Variants in TMEM30A observed in about 807,000 individuals in gnomAD.
The protein encoded by TMEM30A is cell cycle control protein 50A.
A neutral mutation model predicts 38.2 loss-of-function variants in TMEM30A; 24 were observed. That is an observed-to-expected ratio of 0.63 (90% confidence interval 0.46 to 0.88). The LOEUF is 0.88. Ranked by LOEUF, TMEM30A falls within the 40% of genes least tolerant of loss-of-function variation. The pLI is 0.00. For missense variants in TMEM30A, 370 were observed against 458.6 expected, an observed-to-expected ratio of 0.81 and a Z score of 1.77; for synonymous variants, 145 against 161.6, an observed-to-expected ratio of 0.90 and a Z score of 0.78.
chr6:75,261,940 G>A (rs1431801691), intron 3 of TMEM30A, among the ~76,000 whole-genome samples: 2 of 152,146 alleles, frequency 1.3e-5, no homozygotes, highest in Non-Finnish European at 1.5e-5. Context: ...ATATCTGCTA[G>A]CCACTAAATT....
rs775819412 is a variant in TMEM30A at position 75,284,571 on chromosome 6, G to C, written c.68C>G (p.Ala23Gly). The C allele has an allele frequency of 6.2e-7, 1 of 1,613,332 alleles. No individual in the cohort carries two copies. Among genetic ancestry groups the C allele is most frequent in the East Asian group, 2.2e-5 (1 of 44,848 alleles). ...GGPPCAPGGT[A>G]KTRRPDNTAF... is the part of the protein sequence containing the mutation. ...CGTGTTATCCGGTCTCCGAGTCTTCGCGGTGCCCCCCGGAGCACACGGGGG... is the reference window on the plus strand; with the variant it reads ...CGTGTTATCCGGTCTCCGAGTCTTCCCGGTGCCCCCCGGAGCACACGGGGG... Residue 23 changes from alanine to glycine, a missense_variant, in exon 1 of 7, where the codon GCG (alanine) becomes GGG (glycine). By Grantham distance (60) the Ala-to-Gly change is moderately conservative. Transcript: ENST00000230461.
At chr6:75,262,561 G>A (rs755020948) in intron 3 of TMEM30A, among the ~76,000 whole-genome samples, 1 of 151,622 alleles carries the variant, frequency 6.6e-6, no homozygotes, top group Non-Finnish European at 1.5e-5. Flanking sequence ...AGAATTGCTT[G>A]AACCGGGGAG....
chr6:75,264,666 A>T (rs891707329), intron 3 of TMEM30A, among the ~76,000 whole-genome samples: 5 of 152,022 alleles, frequency 3.3e-5, no homozygotes, highest in Admixed American at 2.0e-4. Context: ...AAAATAAAAA[A>T]AAATACATAG....
At chr6:75,275,747 T>C (rs1341290362) in intron 1 of TMEM30A, among the ~76,000 whole-genome samples, 1 of 152,174 alleles carries the variant, frequency 6.6e-6, no homozygotes, top group African/African-American at 2.4e-5. Context: ...TCTTAACTGG[T>C]TTCCCTGTGT....
chr6:75,279,961 A>G (rs1161887564), intron 1 of TMEM30A, among the ~76,000 whole-genome samples: 1 of 152,180 alleles, frequency 6.6e-6, no homozygotes, highest in South Asian at 2.1e-4. Flanking sequence ...TAAAAATCAT[A>G]TTTTAAGTAC....
At chr6:75,264,936 C>T (rs777042086) in intron 3 of TMEM30A, among the ~76,000 whole-genome samples, 51 of 151,992 alleles carry the variant, frequency 3.4e-4, no homozygotes, top group Non-Finnish European at 5.9e-4. Flanking sequence ...CCCATCTCTA[C>T]TAAAAATACA....
At position 75,273,410 on chromosome 6, in the gene TMEM30A, AGCCTAGCACCT is replaced by A. The variant is rs572852489; in HGVS notation, c.238-5673_238-5663del. ...TCTATGGTCCCAGCAATGAGGATTC[AGCCTAGCACCT>A]GACCTCCTGGAGTTCAGTATCTAAC... On this transcript the variant is annotated intron_variant, in intron 1 of 6. Transcript: ENST00000230461. 5.6e-4 allele frequency among the ~76,000 whole-genome samples: 85 copies of A among 152,250 alleles called. 1 individual carries two copies. The highest frequency in any genetic ancestry group is 1.8e-3 in the African/African-American group (76 of 41,546).
intron 3 of TMEM30A, among the ~76,000 whole-genome samples, chr6:75,262,091 A>G (rs1025378394): frequency 7.2e-5 from 11 of 152,212 alleles, no homozygotes; most frequent in Non-Finnish European, 1.5e-5. Context: ...TCATGCCCCT[A>G]ATTTCAGCAC....
intron 1 of TMEM30A, among the ~76,000 whole-genome samples, chr6:75,277,284 C>T (rs1772278322): frequency 7.8e-6 from 1 of 127,736 alleles, no homozygotes; most frequent in African/African-American, 3.1e-5. Flanking sequence ...AAGACTTAAT[C>T]TCAGATTCAA....
rs1771837491 is a variant in TMEM30A at position 75,254,571 on chromosome 6, C to G, written c.*1531G>C. The G allele has an allele frequency of 6.6e-6, 1 of 151,972 alleles. No homozygotes were observed. The highest frequency in any genetic ancestry group is 1.5e-5 in the Non-Finnish European group (1 of 67,944). The allele number at this position is 151,972 out of a possible 1,614,324, so 9.4% of individuals were successfully genotyped here. A position where few individuals can be genotyped will look rare whatever the true frequency, so the allele number is the denominator to read the frequency against. On this transcript the variant is annotated 3_prime_UTR_variant, in exon 7 of 7. Coordinates refer to ENST00000230461, the MANE Select transcript of TMEM30A (RefSeq NM_018247.4). ...AAAACTTGAAAAGTGTGGCACATTTCTACTATTAACCATTACATTGTTTTT... is the reference window on the plus strand; with the variant it reads ...AAAACTTGAAAAGTGTGGCACATTTGTACTATTAACCATTACATTGTTTTT...
In TMEM30A at chr6:75,254,840, C is replaced by T. The variant is rs1200101449; in HGVS notation, c.*1262G>A. 1 of 152,466 alleles carries T rather than the reference C, an allele frequency of 6.6e-6. No individual in the cohort carries two copies. Among genetic ancestry groups the T allele is most frequent in the African/African-American group, 2.4e-5 (1 of 41,484 alleles). 9.4% of individuals were successfully genotyped at this position (152,466 alleles called of 1,614,324 possible). The stretch of plus-strand genomic sequence containing the variant: ...TTAACTAGAACTTTAAGAATAAGTT[C>T]CATAGCAAACAAGTTACAGCATTTA... On this transcript the variant is annotated 3_prime_UTR_variant, in exon 7 of 7. Coordinates refer to ENST00000230461, the MANE Select transcript of TMEM30A (RefSeq NM_018247.4).
intron 1 of TMEM30A, among the ~76,000 whole-genome samples, chr6:75,280,359 T>C (rs190599974): frequency 6.6e-6 from 1 of 152,326 alleles, no homozygotes; most frequent in East Asian, 1.9e-4. Flanking sequence ...ACTTCAGGCT[T>C]TGTGGACCCA....
At chr6:75,268,649 G>A (rs141318626) in intron 1 of TMEM30A, among the ~76,000 whole-genome samples, 1 of 152,324 alleles carries the variant, frequency 6.6e-6, no homozygotes, top group African/African-American at 2.4e-5. Flanking sequence ...GACCCCCTCT[G>A]AATATATAGC....
At chr6:75,264,418 C>G (rs1772028056) in intron 3 of TMEM30A, among the ~76,000 whole-genome samples, 1 of 151,672 alleles carries the variant, frequency 6.6e-6, no homozygotes, top group Admixed American at 6.6e-5. Context: ...GGCAGATCAC[C>G]TGAAGTCCAG....
At chr6:75,258,696 G>GT in intron 6 of TMEM30A, 84 bp downstream of exon 6, 2 of 1,226,624 alleles carry the variant, frequency 1.6e-6, no homozygotes, top group Non-Finnish European at 2.3e-6. Context: ...AAAGCACAAG[G>GT]TAACATGCCA....
intron 1 of TMEM30A, among the ~76,000 whole-genome samples, chr6:75,278,503 T>C (rs1562399530): frequency 6.6e-6 from 1 of 152,182 alleles, no homozygotes; most frequent in Non-Finnish European, 1.5e-5. Context: ...TTCTTCCACA[T>C]TGCTACCGTG....
chr6:75,270,433 A>C lies in TMEM30A; in HGVS notation c.238-2685T>G, dbSNP rs578061386. Among the ~76,000 whole-genome samples the C allele has an allele frequency of 5.3e-5, 8 of 152,196 alleles. No homozygotes were observed. In the South Asian group the frequency reaches 1.2e-3, roughly 24 times the overall value. On this transcript the variant is annotated intron_variant, in intron 1 of 6. Coordinates refer to ENST00000230461, the MANE Select transcript of TMEM30A (RefSeq NM_018247.4). ...CTGGAGAAGGGGCCTTTGGGAGGTA[A>C]TCAGATTTAGGTGAGGTCATGAGGG... is the stretch of plus-strand genomic sequence containing the variant.
chr6:75,283,724 G>T (rs1482734265), intron 1 of TMEM30A, among the ~76,000 whole-genome samples: 1 of 151,046 alleles, frequency 6.6e-6, no homozygotes, highest in Non-Finnish European at 1.5e-5. Flanking sequence ...AATAAACGTA[G>T]CCTAAAAGCA....
In TMEM30A at chr6:75,255,975, CT is replaced by C. The variant is rs918142813; in HGVS notation, c.*126del. 2.8e-5 allele frequency: 18 copies of C among 646,920 alleles called. No homozygotes were observed. The highest frequency in any genetic ancestry group is 8.6e-5 in the East Asian group (3 of 34,924). The allele number at this position is 646,920 out of a possible 1,614,324, so 40.1% of individuals were successfully genotyped here. ...GGGAAGAAGCAAACAACAAAGACTG[CT>C]TTTTTTTAGAAAAGTTATGTGCCAA... On this transcript the variant is annotated 3_prime_UTR_variant, in exon 7 of 7. Transcript: ENST00000230461.
Sources: allele counts gnomAD v4.1 joint callset (sites outside exome capture counted in the v4.1 genomes callset), GRCh38; gene constraint gnomAD v4.1.1; transcripts MANE v1.5; gene names NCBI Gene and HGNC (gene_info 2026-07-23, HGNC 2026-07-21).